Variants in ZFHX3 observed in about 807,000 individuals in gnomAD.
ZFHX3 encodes zinc finger homeobox protein 3.
In ZFHX3, 42 loss-of-function variants were observed where a neutral mutation model predicts 279.1. The ratio of observed to expected loss-of-function variants is 0.15; its 90% CI spans 0.12 to 0.19. The LOEUF (loss-of-function observed/expected upper bound fraction) is 0.19, where lower values mean the gene tolerates loss of function less well. Ranked by LOEUF, ZFHX3 falls within the 10% of genes least tolerant of loss-of-function variation. The pLI is 1.00. For missense variants in ZFHX3, 4,981 were observed against 4,754.0 expected (o/e 1.05, Z -1.40); for synonymous variants, 2,293 against 1,957.8 (o/e 1.17, Z -4.52).
chr16:72,872,843 CTA>C (rs1317450386), intron 4 of ZFHX3, among the ~76,000 whole-genome samples: 2 of 152,200 alleles, frequency 1.3e-5, no homozygotes, highest in Non-Finnish European at 2.9e-5. Context: ...ATGGGCAAAA[CTA>C]GACTTCCGAA....
chr16:73,602,925 G>A lies in ZFHX3; in HGVS notation c.-1547+77255C>T, dbSNP rs576064164. Reference sequence around the variant, plus strand: ...TGCACTCCAGCCTGGGTGAAACAGCGAGACTCTGACTCAAAAAAAAAAAAA... The same window carrying A: ...TGCACTCCAGCCTGGGTGAAACAGCAAGACTCTGACTCAAAAAAAAAAAAA... On this transcript the variant is annotated intron_variant, in intron 2 of 17. Transcript: ENST00000641206. 2.0e-4 allele frequency among the ~76,000 whole-genome samples: 24 copies of A among 118,960 alleles called. 1 individual carries two copies. Among genetic ancestry groups the A allele is most frequent in the Non-Finnish European group, 2.1e-4 (12 of 57,694 alleles). The allele number at this position is 118,960 out of a possible 152,430, so 78.0% of individuals were successfully genotyped here.
chr16:73,172,931 G>GTTTT (rs376709821), intron 5 of ZFHX3, among the ~76,000 whole-genome samples: 1,699 of 96,768 alleles, frequency 0.018, 14 homozygotes, highest in Non-Finnish European at 0.025. Context: ...GCTGCCTGTG[G>GTTTT]TTTTTTTTTT....
chr16:73,794,542 C>T lies in ZFHX3; in HGVS notation c.-1608+97109G>A, dbSNP rs539343379. Among the ~76,000 whole-genome samples, 6 of 152,228 alleles carry T rather than the reference C, an allele frequency of 3.9e-5. No homozygotes were observed. The South Asian group carries it at 1.2e-3, about 32-fold the overall frequency. ...TTTATTCAAATTATTGTTGTTCCCA[C>T]GACTGTGCTTTATAACCATGAGGCG... is the stretch of plus-strand genomic sequence containing the variant. On this transcript the variant is annotated intron_variant, in intron 1 of 17. Coordinates refer to the ZFHX3 transcript ENST00000641206.
chr16:73,354,183 T>C (rs1045090694), intron 3 of ZFHX3, among the ~76,000 whole-genome samples: 7 of 152,248 alleles, frequency 4.6e-5, no homozygotes, highest in African/African-American at 1.4e-4. Flanking sequence ...ATTTAGGACA[T>C]CCTTATGCTA....
intron 2 of ZFHX3, among the ~76,000 whole-genome samples, chr16:73,640,371 T>A (rs552442820): frequency 6.6e-6 from 1 of 151,996 alleles, no homozygotes; most frequent in Non-Finnish European, 1.5e-5. Context: ...GCAAGTCAAA[T>A]AACGGAAGAT....
At chr16:73,093,539 C>G (rs372935189) in exon 8 of ZFHX3, 9 of 509,264 alleles carry the variant, frequency 1.8e-5, no homozygotes, top group Admixed American at 1.6e-4. Context: ...GGCTGTCACA[C>G]AAGCCTGGAG....
chr16:73,490,664 T>A (rs825843), intron 2 of ZFHX3, among the ~76,000 whole-genome samples: 1 of 151,884 alleles, frequency 6.6e-6, no homozygotes, highest in Non-Finnish European at 1.5e-5. Context: ...ATGGAAAAGC[T>A]CCATCTCTAC....
In ZFHX3 at chr16:72,960,147, G is replaced by A. The variant is rs1302998657; in HGVS notation, c.-2C>T. The A allele has an allele frequency of 1.9e-6, 3 of 1,570,166 alleles. No individual in the cohort carries two copies. Among genetic ancestry groups the A allele is most frequent in the African/African-American group, 1.4e-5 (1 of 73,944 alleles). ...GACGGGCGAGTCACAGCCTTCCATG[G>A]TAAGGCCTGCGTGGAGCTTTCATTG... On this transcript the variant is annotated 5_prime_UTR_variant, in exon 2 of 10. Transcript: ENST00000268489.
At chr16:72,971,809 AC>A (rs559008288) in intron 1 of ZFHX3, among the ~76,000 whole-genome samples, 87 of 149,800 alleles carry the variant, frequency 5.8e-4, no homozygotes, top group African/African-American at 1.9e-3. Context: ...CACATTCTTT[AC>A]TCATAAGACA....
rs1363213942 is a variant in ZFHX3, at chr16:72,793,158, C to T, written c.9427+97G>A. On this transcript the variant is annotated intron_variant, in intron 9 of 9. Coordinates refer to ENST00000268489, the MANE Select transcript of ZFHX3 (RefSeq NM_006885.4). The surrounding 1 kb of genome is among the most constrained non-coding windows in gnomAD (Gnocchi z 4.3). Reference sequence around the variant, plus strand: ...AGAACTAGAAAGGTAAGCTTCCCATCTGCCCAGCACTCAGAGGGTTTGGGT... The same window carrying T: ...AGAACTAGAAAGGTAAGCTTCCCATTTGCCCAGCACTCAGAGGGTTTGGGT... 6.6e-7 allele frequency: 1 copy of T among 1,508,858 alleles called. No individual in the cohort carries two copies. The highest frequency in any genetic ancestry group is 1.4e-5 in the African/African-American group (1 of 71,534). The allele number at this position is 1,508,858 out of a possible 1,614,324, so 93.5% of individuals were successfully genotyped here.
intron 2 of ZFHX3, among the ~76,000 whole-genome samples, chr16:73,508,352 G>A (rs912652439): frequency 1.3e-5 from 2 of 152,160 alleles, no homozygotes; most frequent in South Asian, 2.1e-4. Flanking sequence ...AAAAGAAGGA[G>A]GAGAAAGAGG....
At chr16:73,265,989 A>T (rs1410252928) in intron 4 of ZFHX3, among the ~76,000 whole-genome samples, 1 of 152,192 alleles carries the variant, frequency 6.6e-6, no homozygotes, top group African/African-American at 2.4e-5. Flanking sequence ...CACTTTCTCC[A>T]TTGCTAACAG....
At chr16:72,929,369 G>A (rs1223726350) in intron 3 of ZFHX3, among the ~76,000 whole-genome samples, 1 of 152,176 alleles carries the variant, frequency 6.6e-6, no homozygotes, top group Non-Finnish European at 1.5e-5. Flanking sequence ...GTCCACCCGG[G>A]GGTGAGGGAC....
chr16:73,616,555 T>G (rs1302684232), intron 2 of ZFHX3, among the ~76,000 whole-genome samples: 3 of 151,212 alleles, frequency 2.0e-5, no homozygotes, highest in Non-Finnish European at 4.4e-5. Flanking sequence ...GTGGACCTAT[T>G]GTTCCTGTGT....
chr16:72,859,639 G>A (rs2037834270), intron 4 of ZFHX3, among the ~76,000 whole-genome samples: 1 of 152,160 alleles, frequency 6.6e-6, no homozygotes, highest in Admixed American at 6.5e-5. Flanking sequence ...GAAACCACAG[G>A]CTAAAACTCA....
At chr16:73,441,847 T>G (rs889068295) in intron 3 of ZFHX3, among the ~76,000 whole-genome samples, 1 of 152,198 alleles carries the variant, frequency 6.6e-6, no homozygotes, top group Non-Finnish European at 1.5e-5. Flanking sequence ...AAGTCAAATC[T>G]GCAAAACTAC....
chr16:73,064,191 T>TG (rs1270572648), upstream of ZFHX3, among the ~76,000 whole-genome samples: 25 of 149,618 alleles, frequency 1.7e-4, no homozygotes, highest in African/African-American at 6.2e-4. Flanking sequence ...AGGAGGCAGG[T>TG]GGGGGGTGCG....
chr16:72,821,976 T>G (rs1479354178), intron 5 of ZFHX3: 1 of 152,208 alleles, frequency 6.6e-6, no homozygotes, highest in African/African-American at 2.4e-5. Context: ...AGACAAATTC[T>G]AAAAGCTGTA....
chr16:72,895,650 C>T (rs767831282), intron 3 of ZFHX3, among the ~76,000 whole-genome samples: 145 of 152,098 alleles, frequency 9.5e-4, no homozygotes, highest in Non-Finnish European at 1.7e-3. Flanking sequence ...GGTGAGACCC[C>T]GTCTCTATAA....
Sources: gnomAD v4.1 joint callset for allele counts (sites outside exome capture counted in the v4.1 genomes callset) on GRCh38, gnomAD v4.1.1 for gene constraint, Gnocchi (gnomAD v3.1) non-coding constraint, MANE v1.5 for transcripts, NCBI Gene and HGNC (gene_info 2026-07-23, HGNC 2026-07-21) for gene names.